Variants in AGMO observed in about 807,000 individuals in gnomAD.
The protein encoded by AGMO is alkylglycerol monooxygenase.
AGMO carries 75 observed loss-of-function variants against 60.2 expected under a neutral mutation model. The ratio of observed to expected loss-of-function variants is 1.25; its 90% CI spans 1.03 to 1.51. The LOEUF (loss-of-function observed/expected upper bound fraction) is 1.51, where lower values mean the gene tolerates loss of function less well. Ranked by LOEUF, AGMO falls within the 40% of genes most tolerant of loss-of-function variation. The pLI is 0.00. For synonymous variants in AGMO, 261 were observed against 177.1 expected, an observed-to-expected ratio of 1.47 and a Z score of -3.76; for missense variants, 763 against 525.5, an observed-to-expected ratio of 1.45 and a Z score of -4.42.
At chr7:15,554,015 T>C (rs377305440) in intron 2 of AGMO, among the ~76,000 whole-genome samples, 2 of 152,120 alleles carry the variant, frequency 1.3e-5, no homozygotes, top group South Asian at 2.1e-4. Context: ...GATCCCCTTT[T>C]ATTACATATG....
intron 3 of AGMO, among the ~76,000 whole-genome samples, chr7:15,447,446 C>A (rs1041608545): frequency 6.6e-6 from 1 of 152,196 alleles, no homozygotes; most frequent in Non-Finnish European, 1.5e-5. Flanking sequence ...TGTTTAAGAA[C>A]CATTGAACCC....
At chr7:15,296,480 G>C (rs191383043) in intron 12 of AGMO, among the ~76,000 whole-genome samples, 1 of 152,132 alleles carries the variant, frequency 6.6e-6, no homozygotes, top group African/African-American at 2.4e-5. Context: ...TACCGTCACA[G>C]CTAAATTCCC....
intron 3 of AGMO, among the ~76,000 whole-genome samples, chr7:15,525,542 G>A (rs1264090422): frequency 6.6e-6 from 1 of 152,074 alleles, no homozygotes; most frequent in African/African-American, 2.4e-5. Flanking sequence ...AGACCCCGCT[G>A]AGATCTGTTT....
chr7:15,285,613 G>A (rs1210853274), intron 12 of AGMO, among the ~76,000 whole-genome samples: 1 of 152,028 alleles, frequency 6.6e-6, no homozygotes, highest in African/African-American at 2.4e-5. Flanking sequence ...CCCTTGGATT[G>A]GCAGAATCAA....
chr7:15,232,626 T>G (rs1254485096), intron 12 of AGMO, among the ~76,000 whole-genome samples: 2 of 152,086 alleles, frequency 1.3e-5, no homozygotes, highest in African/African-American at 4.8e-5. Flanking sequence ...TGCTAAAATT[T>G]AAAGAATGTG....
intron 12 of AGMO, among the ~76,000 whole-genome samples, chr7:15,345,290 G>C (rs1781993811): frequency 6.6e-6 from 1 of 152,036 alleles, no homozygotes; most frequent in African/African-American, 2.4e-5. Flanking sequence ...GAACACTCCA[G>C]CCATAAGGAA....
At chr7:15,530,632 ACG>A in intron 3 of AGMO, among the ~76,000 whole-genome samples, 3 of 136,194 alleles carry the variant, frequency 2.2e-5, no homozygotes, top group African/African-American at 7.9e-5. Flanking sequence ...TATTCTATAT[ACG>A]TATTTCTATA....
At chr7:15,371,067 G>A (rs750357645) in intron 10 of AGMO, among the ~76,000 whole-genome samples, 1 of 152,114 alleles carries the variant, frequency 6.6e-6, no homozygotes, top group Non-Finnish European at 1.5e-5. Flanking sequence ...GCCATATGCA[G>A]AAGAATGAAA....
At chr7:15,400,459 A>C (rs1018381925) in intron 5 of AGMO, among the ~76,000 whole-genome samples, 1 of 152,178 alleles carries the variant, frequency 6.6e-6, no homozygotes, top group African/African-American at 2.4e-5. Context: ...GAAGAATTCT[A>C]CTTTGTGGGT....
At chr7:15,247,125 G>C (rs1050953258) in intron 12 of AGMO, among the ~76,000 whole-genome samples, 2 of 151,418 alleles carry the variant, frequency 1.3e-5, no homozygotes, top group Non-Finnish European at 2.9e-5. Flanking sequence ...TTATTTATTA[G>C]AACATTCATC....
At chr7:15,508,507 G>T (rs955145352) in intron 3 of AGMO, among the ~76,000 whole-genome samples, 1 of 152,108 alleles carries the variant, frequency 6.6e-6, no homozygotes, top group Non-Finnish European at 1.5e-5. Flanking sequence ...TTCATAACAT[G>T]TTCTGTTAGG....
chr7:15,347,855 A>G (rs1161395181), intron 12 of AGMO, among the ~76,000 whole-genome samples: 2 of 152,062 alleles, frequency 1.3e-5, no homozygotes, highest in African/African-American at 4.8e-5. Context: ...TACAGTCTGT[A>G]TAAATACTTT....
intron 12 of AGMO, among the ~76,000 whole-genome samples, chr7:15,345,696 C>G (rs1017608242): frequency 6.6e-6 from 1 of 152,130 alleles, no homozygotes; most frequent in Admixed American, 6.6e-5. Flanking sequence ...TCTTTATACA[C>G]AGAATTTCAT....
intron 10 of AGMO, among the ~76,000 whole-genome samples, chr7:15,370,187 G>A (rs1783147549): frequency 6.6e-6 from 1 of 152,068 alleles, no homozygotes; most frequent in Admixed American, 6.6e-5. Context: ...AATTCACCTG[G>A]AGTAATGGCC....
chr7:15,269,494 G>A (rs1421305582), intron 12 of AGMO, among the ~76,000 whole-genome samples: 4 of 152,064 alleles, frequency 2.6e-5, no homozygotes, highest in African/African-American at 9.7e-5. Flanking sequence ...GGAGGCGGAG[G>A]TGAAGGTTAG....
chr7:15,534,251 C>A (rs1283145521), intron 3 of AGMO, among the ~76,000 whole-genome samples: 1 of 151,730 alleles, frequency 6.6e-6, no homozygotes, highest in South Asian at 2.1e-4. Context: ...GAAAGGACAA[C>A]AAAAGACATT....
At chr7:15,308,349 C>G (rs2128530133) in intron 12 of AGMO, among the ~76,000 whole-genome samples, 1 of 152,072 alleles carries the variant, frequency 6.6e-6, no homozygotes, top group Admixed American at 6.6e-5. Context: ...TGACCTTACC[C>G]CCACACTTCT....
At chr7:15,333,184 T>C (rs1262260443) in intron 12 of AGMO, among the ~76,000 whole-genome samples, 2 of 152,154 alleles carry the variant, frequency 1.3e-5, no homozygotes, top group Non-Finnish European at 2.9e-5. Flanking sequence ...TGGATACTCA[T>C]CCCAGCAGGT....
At chr7:15,288,162 C>A (rs1022239694) in intron 12 of AGMO, among the ~76,000 whole-genome samples, 1 of 151,904 alleles carries the variant, frequency 6.6e-6, no homozygotes, top group Admixed American at 6.6e-5. Flanking sequence ...TAGCTAGGAC[C>A]ACAGGCGCCC....
Sources: allele counts gnomAD v4.1 joint callset (sites outside exome capture counted in the v4.1 genomes callset), GRCh38; gene constraint gnomAD v4.1.1; transcripts MANE v1.5; gene names NCBI Gene and HGNC (gene_info 2026-07-23, HGNC 2026-07-21).